The following PLCE1 variants were observed in gnomAD, a reference collection of about 807,000 sequenced individuals.
PLCE1 encodes the protein 1-phosphatidylinositol 4,5-bisphosphate phosphodiesterase epsilon-1.
A neutral mutation model predicts 242.8 loss-of-function variants in PLCE1; 119 were observed. The ratio of observed to expected loss-of-function variants is 0.49; its 90% CI spans 0.42 to 0.57. PLCE1 has a LOEUF of 0.57. PLCE1 is among the 20% of genes least tolerant of loss of function. PLCE1 has a pLI of 0.00. For missense variants in PLCE1, 2,441 were observed against 2,788.8 expected, an observed-to-expected ratio of 0.88 and a Z score of 2.81; for synonymous variants, 945 against 1,017.4, an observed-to-expected ratio of 0.93 and a Z score of 1.35.
chr10:94,095,320 A>ATTTCTTTCTC (rs1554853126), intron 2 of PLCE1, among the ~76,000 whole-genome samples: 16 of 117,532 alleles, frequency 1.4e-4, no homozygotes, highest in African/African-American at 8.7e-4. Context: ...GGGCCTTTCA[A>ATTTCTTTCTC]TTTCTTTCTT....
intron 4 of PLCE1, among the ~76,000 whole-genome samples, chr10:94,175,364 A>G (rs1334372227): frequency 1.1e-5 from 1 of 90,582 alleles, no homozygotes; most frequent in Non-Finnish European, 2.4e-5. Flanking sequence ...GGTTCCTGCC[A>G]TTACTCCCTC....
chr10:94,031,407 C>A lies in PLCE1; in HGVS notation c.361C>A (p.Gln121Lys), dbSNP rs1240154880. The A allele has an allele frequency of 3.7e-6, 6 of 1,613,714 alleles. No individual in the cohort carries two copies. Among genetic ancestry groups the A allele is most frequent in the Non-Finnish European group, 5.1e-6 (6 of 1,179,872 alleles). The change falls in exon 2 of 33, where the codon CAA becomes AAA. Residue 121 changes from glutamine (Q) to lysine (K), a missense_variant. This residue lies in a region of PLCE1 where 393 missense variants were observed against 378.5 expected (regional missense o/e 1.04). Transcript: ENST00000371380. Reference protein sequence around the residue: ...RNHQHGLPQRQFYEMYNSVAE... With the variant: ...RNHQHGLPQRKFYEMYNSVAE... Reference sequence around the variant, plus strand: ...CCATCAGCATGGCCTTCCTCAGAGACAATTTTATGAAATGTACAACTCTGT... The same window carrying A: ...CCATCAGCATGGCCTTCCTCAGAGAAAATTTTATGAAATGTACAACTCTGT...
chr10:94,086,232 G>A (rs72812685), intron 2 of PLCE1, among the ~76,000 whole-genome samples: 6,967 of 152,234 alleles, frequency 0.046, 234 homozygotes, highest in Non-Finnish European at 0.069. Context: ...TTTTGGAGCT[G>A]CCCTTTAGGA....
chr10:94,246,704 C>T (rs2050695680), intron 8 of PLCE1, 83 bp downstream of exon 8: 1 of 1,278,678 alleles, frequency 7.8e-7, no homozygotes, highest in Non-Finnish European at 1.1e-6. Context: ...CAGGTTCATG[C>T]TCCCAGCTCT....
At chr10:94,243,615 A>G (rs1377069373) in intron 7 of PLCE1, among the ~76,000 whole-genome samples, 4 of 152,236 alleles carry the variant, frequency 2.6e-5, no homozygotes. Context: ...AAGTTTATCG[A>G]AACAGTGTAT....
chr10:94,310,800 A>C (rs953629035), intron 27 of PLCE1, among the ~76,000 whole-genome samples: 1 of 152,192 alleles, frequency 6.6e-6, no homozygotes, highest in East Asian at 1.9e-4. Flanking sequence ...GGTGTCCTAC[A>C]TTTCAGTTCA....
chr10:94,103,735 A>G (rs957113805), intron 2 of PLCE1, among the ~76,000 whole-genome samples: 4 of 152,242 alleles, frequency 2.6e-5, no homozygotes, highest in African/African-American at 7.2e-5. Context: ...GCCTCCTTCT[A>G]TCCTTACCCA....
intron 23 of PLCE1, among the ~76,000 whole-genome samples, chr10:94,294,139 A>C (rs1173339903): frequency 6.6e-6 from 1 of 152,114 alleles, no homozygotes; most frequent in Non-Finnish European, 1.5e-5. Context: ...AAATAAAAAT[A>C]ACATTTCACT....
chr10:94,279,101 C>T (rs1017831369), intron 19 of PLCE1, among the ~76,000 whole-genome samples: 2 of 152,106 alleles, frequency 1.3e-5, no homozygotes, highest in African/African-American at 2.4e-5. Context: ...ATGCAAGTAA[C>T]GTTTCCTATA....
chr10:94,138,554 ATC>A (rs1186719985), intron 3 of PLCE1: 3 of 472,884 alleles, frequency 6.3e-6, no homozygotes, highest in Non-Finnish European at 1.3e-5. Flanking sequence ...CTCAGACTCC[ATC>A]TGGGGATCAG....
chr10:94,114,771 T>A (rs899391183), intron 2 of PLCE1, among the ~76,000 whole-genome samples: 3 of 151,070 alleles, frequency 2.0e-5, no homozygotes, highest in African/African-American at 4.9e-5. Flanking sequence ...TTTTTTTTTT[T>A]TAATACTTTA....
At chr10:94,034,322 A>C (rs1177101487) in intron 2 of PLCE1, among the ~76,000 whole-genome samples, 1 of 152,192 alleles carries the variant, frequency 6.6e-6, no homozygotes, top group African/African-American at 2.4e-5. Context: ...TTGAGCATTC[A>C]ACAAATGCCA....
At chr10:94,006,746 G>A (rs76687836) in intron 1 of PLCE1, among the ~76,000 whole-genome samples, 2,359 of 152,294 alleles carry the variant, frequency 0.015, 26 homozygotes, top group African/African-American at 0.032. Flanking sequence ...GCATAAAGCC[G>A]TATTTCCCAA....
Position 94,298,727 on chromosome 10 carries a change from T to C in PLCE1, c.5458+58T>C, listed in dbSNP as rs930088816. 4.4e-6 allele frequency: 7 copies of C among 1,576,660 alleles called. No homozygotes were observed. Among genetic ancestry groups the C allele is most frequent in the Admixed American group, 1.7e-5 (1 of 59,960 alleles). ...GCATCTTACATTTCAGTAAATGCAG[T>C]TTGACAGCATTTTTTCAAAGGGGCA... On this transcript the variant is annotated intron_variant, in intron 24 of 32. Transcript: ENST00000371380. The surrounding 1 kb of genome is among the most constrained non-coding windows in gnomAD (Gnocchi z 5.2).
intron 20 of PLCE1, chr10:94,283,491 A>G (rs2052323769): frequency 2.9e-6 from 1 of 344,192 alleles, no homozygotes. Flanking sequence ...AATCATCTGT[A>G]TGAAAATTGG....
intron 4 of PLCE1, among the ~76,000 whole-genome samples, chr10:94,187,659 A>G (rs1324314561): frequency 1.3e-5 from 2 of 152,154 alleles, no homozygotes; most frequent in Non-Finnish European, 2.9e-5. Context: ...GGAAAGAATG[A>G]GGACTCAGCC....
At chr10:94,322,671 G>A (rs1200747980) in intron 30 of PLCE1, among the ~76,000 whole-genome samples, 1 of 152,094 alleles carries the variant, frequency 6.6e-6, no homozygotes, top group Non-Finnish European at 1.5e-5. Flanking sequence ...TGTAATCCCA[G>A]CTACTTGGGA....
chr10:94,070,754 G>C (rs1278188126), intron 2 of PLCE1, among the ~76,000 whole-genome samples: 3 of 152,140 alleles, frequency 2.0e-5, no homozygotes, highest in African/African-American at 7.2e-5. Flanking sequence ...GGTTCTTACA[G>C]ACAGAAGATC....
At chr10:94,203,182 A>T (rs930538875) in intron 4 of PLCE1, among the ~76,000 whole-genome samples, 9 of 152,210 alleles carry the variant, frequency 5.9e-5, no homozygotes, top group Middle Eastern at 3.2e-3. Flanking sequence ...AATTCAGGGA[A>T]GTCTCTGTGC....
Sources: gnomAD v4.1 joint callset for allele counts (sites outside exome capture counted in the v4.1 genomes callset) on GRCh38, gnomAD v4.1.1 for gene constraint, gnomAD v4.1.1 regional missense constraint, Gnocchi (gnomAD v3.1) non-coding constraint, MANE v1.5 for transcripts, NCBI Gene and HGNC (gene_info 2026-07-23, HGNC 2026-07-21) for gene names.